The following THSD7B variants were observed in gnomAD, a reference collection of about 807,000 sequenced individuals.
THSD7B encodes thrombospondin type 1 domain containing 7B.
A neutral mutation model predicts 213.6 loss-of-function variants in THSD7B; 138 were observed. The observed-to-expected ratio is 0.65, with a 90% confidence interval of 0.56 to 0.74. THSD7B has a LOEUF of 0.74. THSD7B is among the 30% of genes least tolerant of loss of function. THSD7B has a pLI of 0.00. For missense variants in THSD7B, 1,931 were observed against 1,991.5 expected (o/e 0.97, Z 0.58); for synonymous variants, 742 against 687.0 (o/e 1.08, Z -1.25).
At chr2:136,991,961 C>T (rs1284754943) in intron 2 of THSD7B, among the ~76,000 whole-genome samples, 1 of 152,190 alleles carries the variant, frequency 6.6e-6, no homozygotes, top group African/African-American at 2.4e-5. Flanking sequence ...TCTGCCTTCT[C>T]CATTAGTCAC....
intron 9 of THSD7B, among the ~76,000 whole-genome samples, chr2:137,237,406 TC>T (rs1158075776): frequency 1.3e-5 from 2 of 152,188 alleles, no homozygotes; most frequent in Non-Finnish European, 2.9e-5. Context: ...AGTCTAATAT[TC>T]CCCAGGGATT....
At chr2:137,619,038 A>G (rs1682463503) in intron 19 of THSD7B, among the ~76,000 whole-genome samples, 3 of 152,316 alleles carry the variant, frequency 2.0e-5, no homozygotes, top group East Asian at 1.9e-4. Flanking sequence ...TTGTAATTTT[A>G]TAGCCCTCCT....
At chr2:136,962,403 C>CTTTTATTTTTT (rs1685235314) in intron 2 of THSD7B, among the ~76,000 whole-genome samples, 1 of 100,180 alleles carries the variant, frequency 1.0e-5, no homozygotes, top group Non-Finnish European at 1.9e-5. Context: ...AATCTGTTAT[C>CTTTTATTTTTT]TTTTTTTTTT....
chr2:137,487,742 T>C (rs1396988000), intron 15 of THSD7B, among the ~76,000 whole-genome samples: 1 of 2,522 alleles, frequency 4.0e-4, no homozygotes, highest in African/African-American at 1.0e-3. Context: ...CTTTCTTTTT[T>C]TTTTTTTTTT....
chr2:137,504,749 A>G (rs758172635), intron 15 of THSD7B, among the ~76,000 whole-genome samples: 1 of 152,242 alleles, frequency 6.6e-6, no homozygotes, highest in Non-Finnish European at 1.5e-5. Context: ...GGCGATATCC[A>G]TATCTATTGG....
intron 2 of THSD7B, among the ~76,000 whole-genome samples, chr2:136,994,779 A>T (rs1392580296): frequency 6.6e-6 from 1 of 152,234 alleles, no homozygotes; most frequent in African/African-American, 2.4e-5. Flanking sequence ...CAATACTAAC[A>T]TTCAAATACA....
At chr2:137,476,721 G>A (rs1483230345) in intron 15 of THSD7B, among the ~76,000 whole-genome samples, 2 of 152,092 alleles carry the variant, frequency 1.3e-5, no homozygotes, top group African/African-American at 4.8e-5. Flanking sequence ...TGTATTTTTA[G>A]TAGAGACGGG....
intron 2 of THSD7B, among the ~76,000 whole-genome samples, chr2:136,883,803 A>G (rs959529921): frequency 6.6e-6 from 1 of 152,190 alleles, no homozygotes; most frequent in African/African-American, 2.4e-5. Context: ...TAAGTTTCAG[A>G]AGTGAGGATC....
intron 12 of THSD7B, among the ~76,000 whole-genome samples, chr2:137,380,786 TG>T (rs933020877): frequency 1.3e-5 from 2 of 152,236 alleles, no homozygotes; most frequent in Non-Finnish European, 1.5e-5. Context: ...TCAGTGAATT[TG>T]GAACGCAGGC....
At chr2:137,078,378 G>T (rs1379080013) in intron 3 of THSD7B, among the ~76,000 whole-genome samples, 1 of 152,136 alleles carries the variant, frequency 6.6e-6, no homozygotes, top group African/African-American at 2.4e-5. Flanking sequence ...GTTTTTGCTT[G>T]ACATGTGTTT....
intron 12 of THSD7B, among the ~76,000 whole-genome samples, chr2:137,311,927 T>C (rs1683919817): frequency 7.0e-6 from 1 of 142,538 alleles, no homozygotes; most frequent in South Asian, 2.3e-4. Context: ...ATTGAGGATT[T>C]TTGCATCAAT....
rs1284915170 is a variant in THSD7B, at chr2:136,933,116, C to A, written c.139+50799C>A. Among the ~76,000 whole-genome samples the A allele has an allele frequency of 4.3e-3, 211 of 49,316 alleles. 1 individual carries two copies. Among genetic ancestry groups the A allele is most frequent in the African/African-American group, 8.6e-3 (198 of 22,996 alleles). 32.4% of individuals were successfully genotyped at this position (49,316 alleles called of 152,430 possible). On this transcript the variant is annotated intron_variant, in intron 2 of 27. Coordinates refer to ENST00000409968, the MANE Select transcript of THSD7B (RefSeq NM_001316349.2). ...TATATATTTTGCCCGCCATTCCTTC[C>A]TTCCTTCCTTCCTTCCTTCCTTCCT...
chr2:137,318,742 C>A lies in THSD7B; in HGVS notation c.2500+42716C>A, dbSNP rs1207480979. Among the ~76,000 whole-genome samples the A allele has an allele frequency of 2.7e-5, 4 of 150,826 alleles. 1 individual carries two copies. Among genetic ancestry groups the A allele is most frequent in the Non-Finnish European group, 5.9e-5 (4 of 67,830 alleles). On this transcript the variant is annotated intron_variant, in intron 12 of 27. Transcript: ENST00000409968. ...AACCTTGGTTTTAACCTTTTAAAAC[C>A]CTTTGTCCTTCAGCTTTTCCAACTC...
At chr2:136,996,526 G>C (rs1446744377) in intron 2 of THSD7B, among the ~76,000 whole-genome samples, 1 of 151,812 alleles carries the variant, frequency 6.6e-6, no homozygotes, top group African/African-American at 2.4e-5. Flanking sequence ...AAAATTATTT[G>C]TAGAGATGGG....
intron 2 of THSD7B, among the ~76,000 whole-genome samples, chr2:136,902,580 TA>T (rs1218661057): frequency 1.3e-5 from 2 of 152,210 alleles, no homozygotes; most frequent in African/African-American, 4.8e-5. Context: ...GCGCCGAGGA[TA>T]GGGGTCCAGA....
At position 137,045,954 on chromosome 2, in the gene THSD7B, G is replaced by T. The variant is rs185188915; in HGVS notation, c.140-10466G>T. 8.6e-4 allele frequency among the ~76,000 whole-genome samples: 131 copies of T among 152,168 alleles called. 2 individuals are homozygous for T. In the Middle Eastern group the frequency reaches 0.017, roughly 20 times the overall value. On this transcript the variant is annotated intron_variant, in intron 2 of 27. Transcript: ENST00000409968. ...ATTATTAGGTGCCCAATAGAATACA[G>T]GTTTCTACCTACAATCATAAACTGA...
At chr2:137,459,724 G>A (rs184274753) in intron 15 of THSD7B, among the ~76,000 whole-genome samples, 3 of 152,030 alleles carry the variant, frequency 2.0e-5, no homozygotes, top group Admixed American at 1.3e-4. Context: ...ACCTATCTAG[G>A]TCTTTTGAAA....
chr2:136,965,010 CAAA>C (rs70975732), intron 2 of THSD7B, among the ~76,000 whole-genome samples: 157 of 118,034 alleles, frequency 1.3e-3, no homozygotes, highest in Middle Eastern at 4.7e-3. Context: ...GACCCTGTCT[CAAA>C]AAAAAAAAAA....
Position 137,676,802 on chromosome 2 carries a change from G to GTTGT in THSD7B, c.*202_*205dup, listed in dbSNP as rs1683712694. The stretch of plus-strand genomic sequence containing the variant: ...ATTAGGTCTGCCATTTTGTTTTCAA[G>GTTGT]TTGTTTGTGGGTGTGTTTTATTTTT... On this transcript the variant is annotated 3_prime_UTR_variant, in exon 28 of 28. Coordinates refer to ENST00000409968, the MANE Select transcript of THSD7B (RefSeq NM_001316349.2). The GTTGT allele has an allele frequency of 4.3e-6, 2 of 463,722 alleles. No individual in the cohort carries two copies. The highest frequency in any genetic ancestry group is 7.5e-5 in the East Asian group (2 of 26,708). 28.7% of individuals were successfully genotyped at this position (463,722 alleles called of 1,614,324 possible). A position where few individuals can be genotyped will look rare whatever the true frequency, so the allele number is the denominator to read the frequency against.
Sources: allele counts gnomAD v4.1 joint callset (sites outside exome capture counted in the v4.1 genomes callset), GRCh38; gene constraint gnomAD v4.1.1; transcripts MANE v1.5; gene names NCBI Gene and HGNC (gene_info 2026-07-23, HGNC 2026-07-21).